OSBPL1A: variants seen among roughly 807,000 people sequenced by gnomAD.
The protein encoded by OSBPL1A is oxysterol binding protein like 1A, also known as oxysterol-binding protein-related protein 1.
Under a neutral mutation model 137.1 loss-of-function variants are expected in OSBPL1A, and 80 were observed. The ratio of observed to expected loss-of-function variants is 0.58; its 90% CI spans 0.49 to 0.70. The LOEUF is 0.70. Among genes scored for constraint, OSBPL1A ranks in the 30% least tolerant of loss-of-function variants. OSBPL1A has a pLI of 0.00. For synonymous variants in OSBPL1A, 365 were observed against 389.7 expected, an observed-to-expected ratio of 0.94 and a Z score of 0.75; for missense variants, 970 against 1,129.4, an observed-to-expected ratio of 0.86 and a Z score of 2.02.
intron 17 of OSBPL1A, among the ~76,000 whole-genome samples, chr18:24,202,603 T>C (rs993479243): frequency 6.6e-6 from 1 of 152,262 alleles, no homozygotes; most frequent in African/African-American, 2.4e-5. Context: ...AGGCTACATA[T>C]GTTATTATCA....
chr18:24,165,235 CAAAAG>C, intron 26 of OSBPL1A, 80 bp from the exon 27 acceptor site: 1 of 1,224,866 alleles, frequency 8.2e-7, no homozygotes, highest in South Asian at 1.3e-5. Flanking sequence ...AAGAACTTCA[CAAAAG>C]AACCATATCT....
rs371975686 is a variant in OSBPL1A at position 24,323,638 on chromosome 18, C to T, written c.626-4829G>A. 5.9e-4 allele frequency among the ~76,000 whole-genome samples: 16 copies of T among 27,096 alleles called. 2 individuals are homozygous for T. The highest frequency in any genetic ancestry group is 3.1e-3 in the East Asian group (8 of 2,550). 17.8% of individuals were successfully genotyped at this position (27,096 alleles called of 152,430 possible). A position where few individuals can be genotyped will look rare whatever the true frequency, so the allele number is the denominator to read the frequency against. ...TATGTATACATGTGCCATGCTGGTG[C>T]GCTGCACCCACTAATGTGTCATCTA... is the stretch of plus-strand genomic sequence containing the variant. On this transcript the variant is annotated intron_variant, in intron 7 of 27. Coordinates refer to ENST00000319481, the MANE Select transcript of OSBPL1A (RefSeq NM_080597.4).
intron 15 of OSBPL1A, among the ~76,000 whole-genome samples, chr18:24,264,154 A>G (rs955973182): frequency 2.0e-5 from 3 of 152,210 alleles, no homozygotes; most frequent in Admixed American, 6.5e-5. Flanking sequence ...TGAAGCCTAC[A>G]CAGAAACTGT....
chr18:24,345,876 GA>G (rs933029895), intron 4 of OSBPL1A, among the ~76,000 whole-genome samples: 1 of 151,924 alleles, frequency 6.6e-6, no homozygotes, highest in African/African-American at 2.4e-5. Flanking sequence ...CCTCTTTTAT[GA>G]AAAAAGGTAT....
At chr18:24,242,710 A>C (rs1367344220) in intron 15 of OSBPL1A, among the ~76,000 whole-genome samples, 1 of 152,238 alleles carries the variant, frequency 6.6e-6, no homozygotes, top group Admixed American at 6.5e-5. Flanking sequence ...TCAATACAGC[A>C]GGCAGATTAT....
intron 14 of OSBPL1A, among the ~76,000 whole-genome samples, chr18:24,288,057 T>C (rs1410668652): frequency 2.0e-5 from 3 of 152,020 alleles, no homozygotes; most frequent in African/African-American, 7.3e-5. Flanking sequence ...GAGAGAGAAA[T>C]GGAAACAGGA....
intron 17 of OSBPL1A, among the ~76,000 whole-genome samples, chr18:24,204,328 A>G (rs2087307284): frequency 1.3e-5 from 2 of 152,306 alleles, no homozygotes; most frequent in Admixed American, 1.3e-4. Flanking sequence ...GACCATCTGA[A>G]TTCACAGATG....
chr18:24,304,599 G>C (rs1183347888), intron 13 of OSBPL1A, among the ~76,000 whole-genome samples: 1 of 152,088 alleles, frequency 6.6e-6, no homozygotes, highest in Admixed American at 6.6e-5. Context: ...TTTAGGTAGA[G>C]TAATATATTT....
intron 15 of OSBPL1A, among the ~76,000 whole-genome samples, chr18:24,246,730 G>A (rs2088901180): frequency 6.7e-6 from 1 of 148,436 alleles, no homozygotes; most frequent in South Asian, 2.1e-4. Context: ...GGCGGAGGTT[G>A]CAGTGAGCCA....
intron 14 of OSBPL1A, among the ~76,000 whole-genome samples, chr18:24,299,255 A>G (rs188981313): frequency 3.2e-4 from 49 of 152,210 alleles, no homozygotes; most frequent in East Asian, 3.9e-4. Context: ...GATGTGAGGT[A>G]CTGTTGTATT....
chr18:24,226,534 A>G (rs1411694913), intron 16 of OSBPL1A, among the ~76,000 whole-genome samples: 1 of 152,180 alleles, frequency 6.6e-6, no homozygotes. Flanking sequence ...CAAACTTCCT[A>G]TTTCAATAAA....
intron 7 of OSBPL1A, among the ~76,000 whole-genome samples, chr18:24,319,506 A>G (rs1267815516): frequency 6.6e-6 from 1 of 152,226 alleles, no homozygotes; most frequent in Non-Finnish European, 1.5e-5. Context: ...ATTTAGGACA[A>G]AAGAAAAAGG....
intron 3 of OSBPL1A, 96 bp from the exon 4 acceptor site, chr18:24,367,062 A>G: frequency 9.5e-7 from 1 of 1,056,080 alleles, no homozygotes; most frequent in Non-Finnish European, 1.3e-6. Context: ...AAAATTGTTA[A>G]TATTGTTTAG....
chr18:24,244,876 C>T (rs1298756399), intron 15 of OSBPL1A, among the ~76,000 whole-genome samples: 1 of 152,186 alleles, frequency 6.6e-6, no homozygotes, highest in Non-Finnish European at 1.5e-5. Context: ...GTAATTCAAT[C>T]TGGCAAAGAC....
rs751369785 is a variant in OSBPL1A at position 24,280,885 on chromosome 18, A to C, written c.1238T>G (p.Val413Gly). 1.9e-6 allele frequency: 3 copies of C among 1,609,984 alleles called. No individual in the cohort carries two copies. Among genetic ancestry groups the C allele is most frequent in the Non-Finnish European group, 2.5e-6 (3 of 1,178,848 alleles). Residue 413 changes from valine (V) to glycine (G), a missense_variant, in exon 15 of 28, where the codon GTA (valine) becomes GGA (glycine). Physicochemically the swap from Val to Gly is moderately radical, Grantham distance 109 (BLOSUM62 -3). This residue lies in a region of OSBPL1A where 647 missense variants were observed against 672.6 expected (regional missense o/e 0.96). Coordinates refer to ENST00000319481, the MANE Select transcript of OSBPL1A (RefSeq NM_080597.4). ...GAGATTAAGGCAATCAGTCAAAGCTACACAAGTTTCTCTAGAAGCTTCTGA... is the reference window on the plus strand; with the variant it reads ...GAGATTAAGGCAATCAGTCAAAGCTCCACAAGTTTCTCTAGAAGCTTCTGA... ...VVSEASRETC[V>G]ALTDCLNLFT...
intron 4 of OSBPL1A, chr18:24,366,674 C>G (rs1435148754): frequency 2.5e-6 from 1 of 402,658 alleles, no homozygotes; most frequent in Non-Finnish European, 4.4e-6. Flanking sequence ...ATGATCTCCT[C>G]ACAGGGATGC....
chr18:24,258,588 T>G (rs1214459455), intron 15 of OSBPL1A, among the ~76,000 whole-genome samples: 1 of 152,180 alleles, frequency 6.6e-6, no homozygotes, highest in Non-Finnish European at 1.5e-5. Flanking sequence ...GTGACTATAG[T>G]CAAAATAATT....
At chr18:24,172,296 A>C in intron 22 of OSBPL1A, 80 bp downstream of exon 22, 1 of 1,078,876 alleles carries the variant, frequency 9.3e-7, no homozygotes, top group Non-Finnish European at 1.4e-6. Flanking sequence ...TTTAAAAACA[A>C]ACAAAACAAA....
At chr18:24,345,912 T>A (rs1221996594) in intron 4 of OSBPL1A, among the ~76,000 whole-genome samples, 4 of 152,172 alleles carry the variant, frequency 2.6e-5, no homozygotes, top group African/African-American at 9.7e-5. Flanking sequence ...ATTGCTATAC[T>A]CCCTGCCCCT....
Sources: gnomAD v4.1 joint callset for allele counts (sites outside exome capture counted in the v4.1 genomes callset) on GRCh38, gnomAD v4.1.1 for gene constraint, gnomAD v4.1.1 regional missense constraint, MANE v1.5 for transcripts, NCBI Gene and HGNC (gene_info 2026-07-23, HGNC 2026-07-21) for gene names.